The following ECT2L variants were observed in gnomAD, a reference collection of about 807,000 sequenced individuals.
The protein encoded by ECT2L is epithelial cell transforming 2 like, also known as epithelial cell-transforming sequence 2 oncogene-like.
Under a neutral mutation model 122.8 loss-of-function variants are expected in ECT2L, and 126 were observed. The observed-to-expected ratio is 1.03, with a 90% CI of 0.89 to 1.19. The LOEUF is 1.19. ECT2L is among the 50% of genes most tolerant of loss of function. ECT2L has a pLI of 0.00. For synonymous variants in ECT2L, 385 were observed against 381.8 expected, an observed-to-expected ratio of 1.01 and a Z score of -0.10; for missense variants, 1,012 against 1,064.1, an observed-to-expected ratio of 0.95 and a Z score of 0.68.
rs1334602423 is a variant in ECT2L at position 138,901,074 on chromosome 6, A to C, written c.2541A>C (p.Ser847=). 1 of 1,614,204 alleles carries C rather than the reference A, an allele frequency of 6.2e-7. No homozygotes were observed. The highest frequency in any genetic ancestry group is 1.7e-5 in the Admixed American group (1 of 60,028). Residue 847 remains serine, a synonymous_variant, in exon 21 of 22, where the codon TCA becomes TCC. Coordinates refer to ENST00000541398, the MANE Select transcript of ECT2L (RefSeq NM_001077706.3). ...TSKTTYQFIA[S]VALHRLLIEN... ...AAACAACCTACCAGTTCATTGCATC[A>C]GTGGCCCTTCATCGGTTACTCATAG...
intron 5 of ECT2L, among the ~76,000 whole-genome samples, chr6:138,842,652 G>C (rs892529508): frequency 6.7e-6 from 1 of 148,308 alleles, no homozygotes; most frequent in African/African-American, 2.5e-5. Flanking sequence ...GGTGCCTGTA[G>C]TCCCAGCTAC....
At chr6:138,818,762 C>T (rs938209313) in intron 4 of ECT2L, among the ~76,000 whole-genome samples, 4 of 152,020 alleles carry the variant, frequency 2.6e-5, no homozygotes, top group South Asian at 2.1e-4. Context: ...CAGGGGTAAG[C>T]GGGGATCTGA....
chr6:138,814,535 C>T lies in ECT2L; in HGVS notation c.111C>T (p.Leu37=), dbSNP rs750257518. ...CTCTTATAAGTCATTGGTTTGACCTCTGGACTAACAAGCAACGTCAAGAAT... is the reference window on the plus strand; with the variant it reads ...CTCTTATAAGTCATTGGTTTGACCTTTGGACTAACAAGCAACGTCAAGAAT... ...RVALISHWFD[L]WTNKQRQEFL... is the part of the protein sequence containing the mutation. The change falls in exon 4 of 22, where the codon CTC becomes CTT. Residue 37 remains leucine, a synonymous_variant. Coordinates refer to ENST00000541398, the MANE Select transcript of ECT2L (RefSeq NM_001077706.3). 139 of 1,612,566 alleles carry T rather than the reference C, an allele frequency of 8.6e-5. 1 individual carries two copies. The highest frequency in any genetic ancestry group is 5.1e-6 in the Non-Finnish European group (6 of 1,179,088).
intron 4 of ECT2L, among the ~76,000 whole-genome samples, chr6:138,837,641 CAAAA>C (rs56775844): frequency 1.8e-3 from 255 of 142,802 alleles, no homozygotes; most frequent in African/African-American, 5.8e-3. Flanking sequence ...GCACTGGTCT[CAAAA>C]AAAAAAAAAA....
intron 15 of ECT2L, among the ~76,000 whole-genome samples, chr6:138,881,418 C>T (rs1778642614): frequency 6.6e-6 from 1 of 151,928 alleles, no homozygotes; most frequent in African/African-American, 2.4e-5. Flanking sequence ...CATTTTGTAA[C>T]CCAGTGATCC....
At chr6:138,889,914 A>G (rs1778960264) in intron 20 of ECT2L, among the ~76,000 whole-genome samples, 1 of 152,220 alleles carries the variant, frequency 6.6e-6, no homozygotes, top group African/African-American at 2.4e-5. Context: ...GCCAAATGAT[A>G]TCTGTGGCAA....
chr6:138,806,447 C>G (rs1277799919), intron 1 of ECT2L, among the ~76,000 whole-genome samples: 1 of 151,010 alleles, frequency 6.6e-6, no homozygotes, highest in Non-Finnish European at 1.5e-5. Context: ...AACTCTTTTA[C>G]AGTTGACCCT....
intron 5 of ECT2L, among the ~76,000 whole-genome samples, chr6:138,841,362 C>T (rs1161907196): frequency 6.6e-6 from 1 of 152,176 alleles, no homozygotes; most frequent in Non-Finnish European, 1.5e-5. Flanking sequence ...TTTTCTTCCT[C>T]CAGAGAGAAT....
At chr6:138,862,564 G>A in intron 10 of ECT2L, 63 bp from the exon 11 acceptor site, 1 of 1,482,336 alleles carries the variant, frequency 6.7e-7, no homozygotes, top group South Asian at 1.1e-5. Flanking sequence ...AAATATCCAA[G>A]TTATATGATC....
chr6:138,842,801 T>A (rs1052360134), intron 5 of ECT2L, among the ~76,000 whole-genome samples, 178 bp from the exon 6 acceptor site: 1 of 152,078 alleles, frequency 6.6e-6, no homozygotes, highest in Non-Finnish European at 1.5e-5. Context: ...ATAAAAAAAA[T>A]TAAAACTTTC....
In ECT2L at chr6:138,862,721, T is replaced by G; in HGVS notation, c.1291+2T>G. 6.2e-7 allele frequency: 1 copy of G among 1,613,526 alleles called. No homozygotes were observed. The highest frequency in any genetic ancestry group is 8.5e-7 in the Non-Finnish European group (1 of 1,179,436). On this transcript the variant is annotated splice_donor_variant, in intron 11 of 21. Transcript: ENST00000541398. LOFTEE classifies it high-confidence loss of function. ...TTGCAACTGGCTCTTACCAGCACAGTAAGTGTTATGGGAGCTGAGCGCCAC... is the reference window on the plus strand; with the variant it reads ...TTGCAACTGGCTCTTACCAGCACAGGAAGTGTTATGGGAGCTGAGCGCCAC...
chr6:138,822,824 A>G lies in ECT2L; in HGVS notation c.179+8221A>G, dbSNP rs1776312765. On this transcript the variant is annotated intron_variant, in intron 4 of 21. Coordinates refer to ENST00000541398, the MANE Select transcript of ECT2L (RefSeq NM_001077706.3). ...TGAATGGCACTTATGACTACAGTCA[A>G]TATGAATTGATCTGTATCAAAGAAG... 6 of 1,613,768 alleles carry G rather than the reference A, an allele frequency of 3.7e-6. No individual in the cohort carries two copies. The South Asian group carries it at 6.6e-5, about 18-fold the overall frequency.
At chr6:138,810,066 AATGTT>A (rs1389803012) in intron 1 of ECT2L, among the ~76,000 whole-genome samples, 13 of 152,334 alleles carry the variant, frequency 8.5e-5, no homozygotes, top group Non-Finnish European at 1.6e-4. Context: ...GTAGAAAATG[AATGTT>A]ATGTTATTAG....
chr6:138,900,110 T>C (rs569253215), intron 20 of ECT2L, among the ~76,000 whole-genome samples: 27 of 152,354 alleles, frequency 1.8e-4, no homozygotes, highest in African/African-American at 5.8e-4. Context: ...TGATGAACTA[T>C]ATTAGGTTAT....
intron 4 of ECT2L, among the ~76,000 whole-genome samples, chr6:138,834,904 C>CAT (rs1232407275): frequency 8.2e-6 from 1 of 122,618 alleles, no homozygotes; most frequent in African/African-American, 3.3e-5. Flanking sequence ...TACACACACA[C>CAT]ACACACACAC....
At chr6:138,822,866 A>C in intron 4 of ECT2L, 1 of 1,614,010 alleles carries the variant, frequency 6.2e-7, no homozygotes, top group Non-Finnish European at 8.5e-7. Context: ...GAGAATTTGC[A>C]AAAGTTTTCC....
chr6:138,876,342 A>G, intron 13 of ECT2L, 130 bp from the exon 14 acceptor site: 1 of 580,446 alleles, frequency 1.7e-6, no homozygotes, highest in South Asian at 2.6e-5. Context: ...CACTTAACTC[A>G]TTGTGTGTAG....
Position 138,882,593 on chromosome 6 carries a change from A to G in ECT2L, c.1881-131A>G, listed in dbSNP as rs2128407778. 3 of 1,091,006 alleles carry G rather than the reference A, an allele frequency of 2.7e-6. No individual in the cohort carries two copies. In the South Asian group the frequency reaches 5.0e-5, roughly 18 times the overall value. 67.6% of individuals were successfully genotyped at this position (1,091,006 alleles called of 1,614,324 possible). ...CAAATCTCCACTTCTCTGTGTTAGG[A>G]AGAAATGACTTGACCAAAACCCTAC... On this transcript the variant is annotated intron_variant, in intron 15 of 21. Transcript: ENST00000541398.
intron 1 of ECT2L, among the ~76,000 whole-genome samples, chr6:138,810,680 A>G (rs1775863821): frequency 6.6e-6 from 1 of 152,164 alleles, no homozygotes; most frequent in African/African-American, 2.4e-5. Context: ...ATTGCTATGA[A>G]TCCTTTATAT....
Sources: allele counts gnomAD v4.1 joint callset (sites outside exome capture counted in the v4.1 genomes callset), GRCh38; gene constraint gnomAD v4.1.1; transcripts MANE v1.5; gene names NCBI Gene and HGNC (gene_info 2026-07-23, HGNC 2026-07-21).